Variants in FER observed in about 807,000 individuals in gnomAD.
FER encodes the protein tyrosine-protein kinase Fer.
Under a neutral mutation model 111.0 loss-of-function variants are expected in FER, and 63 were observed. That is an observed-to-expected ratio of 0.57 (90% CI 0.46 to 0.70). The LOEUF (loss-of-function observed/expected upper bound fraction) is 0.70. FER is among the 30% of genes least tolerant of loss of function. The pLI is 0.00. For missense variants in FER, 914 were observed against 954.0 expected (o/e 0.96, Z 0.55); for synonymous variants, 327 against 313.9 (o/e 1.04, Z -0.44).
intron 17 of FER, among the ~76,000 whole-genome samples, chr5:109,143,586 C>A (rs771814070): frequency 2.1e-4 from 32 of 152,020 alleles, no homozygotes; most frequent in Non-Finnish European, 4.0e-4. Flanking sequence ...AGTCTCCACC[C>A]CACCTCCATT....
chr5:109,010,719 C>T (rs1766153180), intron 13 of FER, among the ~76,000 whole-genome samples: 1 of 152,034 alleles, frequency 6.6e-6, no homozygotes, highest in Admixed American at 6.6e-5. Context: ...CTTTTCTTAC[C>T]TCCCATATTC....
intron 17 of FER, among the ~76,000 whole-genome samples, chr5:109,115,714 T>C (rs1036883290): frequency 3.9e-5 from 6 of 152,094 alleles, no homozygotes; most frequent in Non-Finnish European, 7.4e-5. Context: ...TTCAGAAAAA[T>C]CAGAATTTTC....
chr5:108,897,390 T>TTTA (rs1749302836), intron 9 of FER, among the ~76,000 whole-genome samples: 1 of 152,192 alleles, frequency 6.6e-6, no homozygotes, highest in Non-Finnish European at 1.5e-5. Context: ...AGGTATATAG[T>TTTA]TTAGCTAAAA....
intron 15 of FER, among the ~76,000 whole-genome samples, 160 bp from the exon 16 acceptor site, chr5:109,046,944 C>T (rs770141131): frequency 2.0e-5 from 3 of 151,972 alleles, no homozygotes; most frequent in Non-Finnish European, 2.9e-5. Context: ...AGGCTTTACT[C>T]GTTTGTATAC....
intron 13 of FER, among the ~76,000 whole-genome samples, chr5:109,024,939 G>A (rs945278875): frequency 1.3e-5 from 2 of 149,952 alleles, no homozygotes; most frequent in African/African-American, 4.9e-5. Context: ...TAGATATACG[G>A]CCTTATTTCT....
chr5:109,022,201 A>G (rs577304292), intron 13 of FER, among the ~76,000 whole-genome samples: 41 of 152,164 alleles, frequency 2.7e-4, no homozygotes, highest in Non-Finnish European at 4.4e-4. Context: ...GCCCACTTCC[A>G]TGCCCTGCCC....
chr5:108,875,865 A>G (rs35893408), intron 8 of FER, among the ~76,000 whole-genome samples: 8,523 of 152,306 alleles, frequency 0.056, 343 homozygotes, highest in Non-Finnish European at 0.082. Context: ...TCTGATTTCA[A>G]ATGAGGTCTC....
chr5:108,811,946 G>A (rs1757807875), intron 3 of FER, among the ~76,000 whole-genome samples: 1 of 152,138 alleles, frequency 6.6e-6, no homozygotes, highest in Non-Finnish European at 1.5e-5. Context: ...TCTTTACTCA[G>A]TTGTCTCATT....
At chr5:109,040,320 G>A (rs1770979709) in intron 14 of FER, among the ~76,000 whole-genome samples, 1 of 152,076 alleles carries the variant, frequency 6.6e-6, no homozygotes, top group Non-Finnish European at 1.5e-5. Context: ...AGAGGATCAA[G>A]GATTGAGCCT....
intron 16 of FER, among the ~76,000 whole-genome samples, chr5:109,049,269 G>T (rs1772415339): frequency 6.6e-6 from 1 of 152,298 alleles, no homozygotes; most frequent in South Asian, 2.1e-4. Context: ...CGTGCTCAGG[G>T]TCTCACAAAG....
At chr5:108,916,384 G>T (rs1377690501) in intron 10 of FER, among the ~76,000 whole-genome samples, 1 of 152,054 alleles carries the variant, frequency 6.6e-6, no homozygotes, top group Non-Finnish European at 1.5e-5. Context: ...TTATTGGGAG[G>T]TATTTAATAA....
At chr5:108,824,679 AAAAC>A (rs1203149153) in intron 3 of FER, among the ~76,000 whole-genome samples, 3 of 152,192 alleles carry the variant, frequency 2.0e-5, no homozygotes, top group African/African-American at 4.8e-5. Flanking sequence ...AGAAAAAAGA[AAAAC>A]AAATGTTATT....
intron 8 of FER, among the ~76,000 whole-genome samples, chr5:108,877,299 G>A (rs1469235364): frequency 1.3e-5 from 2 of 152,184 alleles, no homozygotes; most frequent in African/African-American, 4.8e-5. Flanking sequence ...GAGTGAGTTG[G>A]AAAGATTTGG....
At chr5:108,973,079 T>C (rs551103097) in intron 13 of FER, among the ~76,000 whole-genome samples, 99 of 152,308 alleles carry the variant, frequency 6.5e-4, no homozygotes, top group African/African-American at 2.3e-3. Context: ...TGATGAGATT[T>C]CTCTCTGATA....
chr5:108,900,134 A>T (rs1352455489), intron 10 of FER, among the ~76,000 whole-genome samples: 1 of 152,166 alleles, frequency 6.6e-6, no homozygotes, highest in South Asian at 2.1e-4. Flanking sequence ...AAAGAATACT[A>T]TAATATATGT....
At chr5:108,931,660 T>A (rs1309465270) in intron 10 of FER, among the ~76,000 whole-genome samples, 2 of 152,020 alleles carry the variant, frequency 1.3e-5, no homozygotes, top group African/African-American at 4.8e-5. Context: ...TGAAACCCCG[T>A]CTCTACTAAA....
At chr5:108,859,305 A>G (rs1561524379) in intron 5 of FER, among the ~76,000 whole-genome samples, 2 of 152,016 alleles carry the variant, frequency 1.3e-5, no homozygotes, top group East Asian at 3.9e-4. Flanking sequence ...TTGTTTTTAG[A>G]TCAGTCTTAA....
chr5:108,977,062 A>G (rs186319989), intron 13 of FER, among the ~76,000 whole-genome samples: 65 of 152,334 alleles, frequency 4.3e-4, no homozygotes, highest in Admixed American at 1.0e-3. Flanking sequence ...GCTCACACAG[A>G]GATGATTAGC....
intron 3 of FER, among the ~76,000 whole-genome samples, chr5:108,798,887 G>A (rs1170712276): frequency 6.6e-6 from 1 of 152,148 alleles, no homozygotes; most frequent in Non-Finnish European, 1.5e-5. Context: ...TTCTATAGCT[G>A]TACCTCTCTG....
Sources: allele counts gnomAD v4.1 joint callset (sites outside exome capture counted in the v4.1 genomes callset), GRCh38; gene constraint gnomAD v4.1.1; transcripts MANE v1.5; gene names NCBI Gene and HGNC (gene_info 2026-07-23, HGNC 2026-07-21).